PALD1: variants seen among roughly 807,000 people sequenced by gnomAD.
The protein encoded by PALD1 is phosphatase domain containing paladin 1, also known as paladin.
PALD1 carries 57 observed loss-of-function variants against 96.0 expected under a neutral mutation model. The observed-to-expected ratio is 0.59, with a 90% CI of 0.48 to 0.74. PALD1 has a LOEUF of 0.74. Ranked by LOEUF, PALD1 falls within the 30% of genes least tolerant of loss-of-function variation. PALD1 has a pLI of 0.00. For missense variants in PALD1, 1,063 were observed against 1,143.7 expected (o/e 0.93, Z 1.02); for synonymous variants, 464 against 473.6 (o/e 0.98, Z 0.26).
At chr10:70,486,622 G>T (rs905426990) in intron 1 of PALD1, among the ~76,000 whole-genome samples, 4 of 152,102 alleles carry the variant, frequency 2.6e-5, no homozygotes, top group Admixed American at 2.0e-4. Context: ...TTAGCCAGGT[G>T]TGGTGGTGGG....
In PALD1 at chr10:70,540,691, T is replaced by TC. The variant is rs968706883; in HGVS notation, c.1909-410dup. ...TGGTGGCCTTGTGCTGCAGGGCTCT[T>TC]CTGAGGTCAGGCCCCCGTCCATGGT... On this transcript the variant is annotated intron_variant, in intron 15 of 19. Transcript: ENST00000263563. The surrounding 1 kb of genome is among the most constrained non-coding windows in gnomAD (Gnocchi z 4.2). Among the ~76,000 whole-genome samples, 1 of 152,172 alleles carries TC rather than the reference T, an allele frequency of 6.6e-6. No homozygotes were observed. Among genetic ancestry groups the TC allele is most frequent in the Non-Finnish European group, 1.5e-5 (1 of 68,018 alleles).
intron 1 of PALD1, among the ~76,000 whole-genome samples, chr10:70,497,929 C>T (rs569494111): frequency 4.6e-5 from 7 of 152,192 alleles, no homozygotes; most frequent in South Asian, 2.1e-4. Flanking sequence ...GTAAAATATA[C>T]GTAACATAAA....
intron 10 of PALD1, among the ~76,000 whole-genome samples, 159 bp downstream of exon 10, chr10:70,535,002 T>C (rs1421547718): frequency 1.3e-5 from 2 of 152,232 alleles, no homozygotes; most frequent in Admixed American, 1.3e-4. Context: ...ATAGGGGCTC[T>C]GGGCCCACAG....
chr10:70,474,641 G>A (rs75352381), upstream of PALD1, among the ~76,000 whole-genome samples: 156 of 152,286 alleles, frequency 1.0e-3, 3 homozygotes, highest in East Asian at 0.028. Context: ...TATCTGTGTA[G>A]CTGGCCCTGG....
rs546154332 is a variant in PALD1 at position 70,504,758 on chromosome 10, A to T, written c.-29-21165A>T. Among the ~76,000 whole-genome samples the T allele has an allele frequency of 3.3e-5, 5 of 152,314 alleles. No individual in the cohort carries two copies. In the South Asian group the frequency reaches 8.3e-4, roughly 25 times the overall value. On this transcript the variant is annotated intron_variant, in intron 1 of 19. Transcript: ENST00000263563. ...CTCTGCATTCAATCTATTGTGATAC[A>T]TTGTTTTGACTGAAGTATGGTGAAG...
rs375978094 is a variant in PALD1 at position 70,539,260 on chromosome 10, G to T, written c.1725+13G>T. 3.1e-5 allele frequency: 50 copies of T among 1,599,530 alleles called. 1 individual carries two copies. Among genetic ancestry groups the T allele is most frequent in the East Asian group, 2.3e-4 (10 of 44,430 alleles). ...TGACCAGCTGGAGGTGAGGCCCCCT[G>T]CCCTCTAGGCACCCCTGCCTCCGAG... On this transcript the variant is annotated intron_variant, in intron 14 of 19. Transcript: ENST00000263563. This position sits in a 1 kb window ranked among gnomAD's most constrained non-coding sequence, Gnocchi z 4.5.
intron 1 of PALD1, among the ~76,000 whole-genome samples, chr10:70,482,377 C>T (rs1321379909): frequency 6.6e-6 from 1 of 152,172 alleles, no homozygotes; most frequent in Non-Finnish European, 1.5e-5. Context: ...CAGAGGGCAG[C>T]CCAGCCATGT....
intron 2 of PALD1, among the ~76,000 whole-genome samples, chr10:70,528,962 A>G (rs1846928505): frequency 6.6e-6 from 1 of 152,212 alleles, no homozygotes; most frequent in Non-Finnish European, 1.5e-5. Flanking sequence ...ATCATTGGCC[A>G]GAACTTAAAT....
In PALD1 at chr10:70,525,996, C is replaced by T. The variant is rs767042667; in HGVS notation, c.45C>T (p.Gly15=). ...ASTAQQTVSA[G]TPFEGLQGSG... ...CAGCCCAGCAGACGGTCTCGGCAGG[C>T]ACCCCATTTGAGGGCCTACAGGGCA... Residue 15 remains glycine, a synonymous_variant, in exon 2 of 20, where the codon GGC becomes GGT. Transcript: ENST00000263563. 11 of 1,614,100 alleles carry T rather than the reference C, an allele frequency of 6.8e-6. No individual in the cohort carries two copies. The East Asian group carries it at 1.8e-4, about 26-fold the overall frequency.
chr10:70,468,250 A>C, the PALD1 span, among the ~76,000 whole-genome samples: 1 of 151,882 alleles, frequency 6.6e-6, no homozygotes, highest in Non-Finnish European at 1.5e-5. Flanking sequence ...CCACCAGGTA[A>C]GGTTTTTTTT....
chr10:70,459,215 C>T, the PALD1 span, among the ~76,000 whole-genome samples: 2 of 152,180 alleles, frequency 1.3e-5, no homozygotes, highest in Non-Finnish European at 2.9e-5. Flanking sequence ...TTAGCCCTCC[C>T]GCTGGCACTA....
At chr10:70,520,530 C>T (rs553098796) in intron 1 of PALD1, among the ~76,000 whole-genome samples, 27 of 152,300 alleles carry the variant, frequency 1.8e-4, no homozygotes, top group African/African-American at 6.0e-4. Context: ...AGGCTCACCA[C>T]TCTGGCAGGT....
chr10:70,479,314 G>T (rs1205456027), intron 1 of PALD1, among the ~76,000 whole-genome samples: 1 of 152,216 alleles, frequency 6.6e-6, no homozygotes, highest in Non-Finnish European at 1.5e-5. Context: ...TTTGGTGTAG[G>T]CATGGCCTGG....
intron 1 of PALD1, among the ~76,000 whole-genome samples, chr10:70,514,326 T>C (rs1846578233): frequency 6.6e-6 from 1 of 152,248 alleles, no homozygotes; most frequent in Non-Finnish European, 1.5e-5. Flanking sequence ...AGCAAAGGAC[T>C]GCATTTCCAC....
At chr10:70,547,957 GA>G (rs930850022) in intron 18 of PALD1, among the ~76,000 whole-genome samples, 13 of 152,162 alleles carry the variant, frequency 8.5e-5, no homozygotes, top group African/African-American at 2.9e-4. Flanking sequence ...CTGGCTCCCA[GA>G]TGGGGTGTTT....
At chr10:70,526,166 C>T (rs747432014) in intron 2 of PALD1, 30 bp downstream of exon 2, 8 of 1,589,610 alleles carry the variant, frequency 5.0e-6, no homozygotes, top group Non-Finnish European at 6.9e-6. Context: ...TGCCCATGTC[C>T]CTGGGAGACA....
intron 1 of PALD1, among the ~76,000 whole-genome samples, chr10:70,498,437 C>A (rs563574133): frequency 6.8e-4 from 103 of 152,196 alleles, no homozygotes; most frequent in South Asian, 1.5e-3. Context: ...GTGCGCCACA[C>A]CTGGCTAATC....
intron 1 of PALD1, among the ~76,000 whole-genome samples, chr10:70,521,883 C>T (rs1846743754): frequency 6.6e-6 from 1 of 151,746 alleles, no homozygotes; most frequent in East Asian, 1.9e-4. Context: ...CCCATGGACT[C>T]CTTCTCAGAA....
At chr10:70,551,010 T>C (rs1847467759) in intron 18 of PALD1, among the ~76,000 whole-genome samples, 1 of 152,212 alleles carries the variant, frequency 6.6e-6, no homozygotes, top group South Asian at 2.1e-4. Context: ...CTGGATCATA[T>C]GGTAATTCTG....
Sources: gnomAD v4.1 joint callset for allele counts (sites outside exome capture counted in the v4.1 genomes callset) on GRCh38, gnomAD v4.1.1 for gene constraint, Gnocchi (gnomAD v3.1) non-coding constraint, MANE v1.5 for transcripts, NCBI Gene and HGNC (gene_info 2026-07-23, HGNC 2026-07-21) for gene names.